Variants in DSCAM observed in about 807,000 individuals in gnomAD.
DSCAM encodes the protein DS cell adhesion molecule, also known as cell adhesion molecule DSCAM.
DSCAM carries 47 observed loss-of-function variants against 217.7 expected under a neutral mutation model. That is an observed-to-expected ratio of 0.22 (90% CI 0.17 to 0.28). The LOEUF is 0.28. Ranked by LOEUF, DSCAM falls within the 10% of genes least tolerant of loss-of-function variation. The pLI is 1.00. For missense variants in DSCAM, 2,080 were observed against 2,618.3 expected, an observed-to-expected ratio of 0.79 and a Z score of 4.49; for synonymous variants, 1,056 against 1,015.3, an observed-to-expected ratio of 1.04 and a Z score of -0.76.
At chr21:40,614,272 C>T (rs1161005792) in intron 3 of DSCAM, among the ~76,000 whole-genome samples, 1 of 152,102 alleles carries the variant, frequency 6.6e-6, no homozygotes, top group Non-Finnish European at 1.5e-5. Context: ...GTTTTGTTTT[C>T]CTTTTCATGT....
In DSCAM at chr21:40,692,948, C is replaced by A. The variant is rs867374034; in HGVS notation, c.370G>T (p.Glu124Ter). The A allele has an allele frequency of 6.3e-7, 1 of 1,599,966 alleles. No individual in the cohort carries two copies. Among genetic ancestry groups the A allele is most frequent in the African/African-American group, 1.3e-5 (1 of 74,828 alleles). The change falls in exon 3 of 33, where the codon GAG (glutamate) becomes TAG (stop). Residue 124 changes from glutamate (E) to a stop codon, truncating the protein, a stop_gained. Coordinates refer to ENST00000400454, the MANE Select transcript of DSCAM (RefSeq NM_001389.5). LOFTEE classifies it high-confidence loss of function. ...QDVHIKAVLR[E>*]PYTVRVEDQK... ...TCCTCCACACGGACTGTATAGGGCTCCCGTAAAACTGGAAGGCAGAAAGAG... is the reference window on the plus strand; with the variant it reads ...TCCTCCACACGGACTGTATAGGGCTACCGTAAAACTGGAAGGCAGAAAGAG...
Position 40,312,071 on chromosome 21 carries a change from C to T in DSCAM, c.2062+10G>A. On this transcript the variant is annotated intron_variant, in intron 9 of 32. Transcript: ENST00000400454. The stretch of plus-strand genomic sequence containing the variant: ...TACAGATGCCACATGGCTCATGATC[C>T]TTTGCTCACCTCTGACAATCAACTG... The T allele has an allele frequency of 6.2e-7, 1 of 1,608,610 alleles. No homozygotes were observed. The highest frequency in any genetic ancestry group is 8.5e-7 in the Non-Finnish European group (1 of 1,176,554).
In DSCAM at chr21:40,144,477, C is replaced by G. The variant is rs2090331179; in HGVS notation, c.3259+14G>C. On this transcript the variant is annotated intron_variant, in intron 17 of 32. Coordinates refer to ENST00000400454, the MANE Select transcript of DSCAM (RefSeq NM_001389.5). The surrounding 1 kb of genome is among the most constrained non-coding windows in gnomAD (Gnocchi z 4.8). ...CGGAGGGAAAAGCCACGACCAGGCCCCGGCCGAACCTACCATCCTCGAGAG... is the reference window on the plus strand; with the variant it reads ...CGGAGGGAAAAGCCACGACCAGGCCGCGGCCGAACCTACCATCCTCGAGAG... 6.2e-7 allele frequency: 1 copy of G among 1,613,022 alleles called. No individual in the cohort carries two copies. Among genetic ancestry groups the G allele is most frequent in the South Asian group, 1.1e-5 (1 of 91,044 alleles).
At chr21:40,480,939 A>C (rs1390423017) in intron 3 of DSCAM, among the ~76,000 whole-genome samples, 1 of 152,154 alleles carries the variant, frequency 6.6e-6, no homozygotes, top group Admixed American at 6.5e-5. Flanking sequence ...TTAACAATTT[A>C]TTCTCATCTG....
intron 8 of DSCAM, among the ~76,000 whole-genome samples, chr21:40,327,405 A>T (rs2074329416): frequency 6.6e-6 from 1 of 152,184 alleles, no homozygotes; most frequent in Non-Finnish European, 1.5e-5. Context: ...TGTATCCTGC[A>T]ACTTTACTGA....
chr21:40,509,804 T>C (rs2076243699), intron 3 of DSCAM, among the ~76,000 whole-genome samples: 1 of 152,156 alleles, frequency 6.6e-6, no homozygotes, highest in South Asian at 2.1e-4. Flanking sequence ...GAAAGCAAAC[T>C]TTATTACACA....
intron 14 of DSCAM, among the ~76,000 whole-genome samples, chr21:40,182,212 C>T (rs185877527): frequency 2.6e-5 from 4 of 152,194 alleles, no homozygotes; most frequent in African/African-American, 7.2e-5. Context: ...GGAGAGGTAG[C>T]TGGGAGAGGG....
At chr21:40,049,938 A>G (rs1184884031) in intron 30 of DSCAM, among the ~76,000 whole-genome samples, 2 of 152,218 alleles carry the variant, frequency 1.3e-5, no homozygotes, top group African/African-American at 2.4e-5. Context: ...ATTTATGACT[A>G]GCTTTATGCA....
chr21:40,384,250 G>A (rs893317407), intron 3 of DSCAM: 1 of 152,442 alleles, frequency 6.6e-6, no homozygotes, highest in Non-Finnish European at 1.5e-5. Context: ...AGGTGAAATC[G>A]GGATGGTTAA....
intron 3 of DSCAM, among the ~76,000 whole-genome samples, chr21:40,687,041 T>G (rs1337766500): frequency 6.6e-6 from 1 of 152,220 alleles, no homozygotes; most frequent in Non-Finnish European, 1.5e-5. Flanking sequence ...CAGTCTGATG[T>G]GCACGTTCTG....
chr21:40,398,298 G>C (rs548083974), intron 3 of DSCAM, among the ~76,000 whole-genome samples: 59 of 152,216 alleles, frequency 3.9e-4, no homozygotes, highest in Non-Finnish European at 4.4e-4. Flanking sequence ...ACATGACCTT[G>C]TCCCAGATCC....
intron 11 of DSCAM, among the ~76,000 whole-genome samples, chr21:40,238,960 A>G (rs2073113342): frequency 6.6e-6 from 1 of 152,168 alleles, no homozygotes; most frequent in African/African-American, 2.4e-5. Context: ...TCTGAAAAAA[A>G]GTAGATTCTA....
chr21:40,462,071 G>C (rs1790424738), intron 3 of DSCAM, among the ~76,000 whole-genome samples: 1 of 152,196 alleles, frequency 6.6e-6, no homozygotes, highest in African/African-American at 2.4e-5. Flanking sequence ...GAAAAGAATA[G>C]AAAAATGACC....
chr21:40,768,796 C>T (rs1159473545), intron 1 of DSCAM, among the ~76,000 whole-genome samples: 1 of 152,142 alleles, frequency 6.6e-6, no homozygotes, highest in Non-Finnish European at 1.5e-5. Flanking sequence ...AAACAAAAGC[C>T]AGTAGTTACT....
chr21:40,718,880 C>G (rs1348817510), intron 1 of DSCAM, among the ~76,000 whole-genome samples: 1 of 152,204 alleles, frequency 6.6e-6, no homozygotes, highest in Non-Finnish European at 1.5e-5. Context: ...AATCCCAGCA[C>G]TTTTGGAGGC....
At chr21:40,754,662 C>G (rs1287606183) in intron 1 of DSCAM, among the ~76,000 whole-genome samples, 1 of 152,152 alleles carries the variant, frequency 6.6e-6, no homozygotes, top group African/African-American at 2.4e-5. Context: ...CAAAGAGAGT[C>G]CTTAGGGGAA....
intron 3 of DSCAM, among the ~76,000 whole-genome samples, chr21:40,427,707 G>C (rs2075488817): frequency 6.6e-6 from 1 of 152,178 alleles, no homozygotes; most frequent in East Asian, 1.9e-4. Context: ...GTCATTGGAA[G>C]AATGCTGCAG....
At chr21:40,481,924 C>T (rs529578381) in intron 3 of DSCAM, among the ~76,000 whole-genome samples, 12 of 152,290 alleles carry the variant, frequency 7.9e-5, no homozygotes, top group African/African-American at 2.6e-4. Flanking sequence ...CCGGAACACA[C>T]GTGCACTGCT....
chr21:40,182,548 C>A (rs369397368), intron 14 of DSCAM, among the ~76,000 whole-genome samples: 1 of 150,796 alleles, frequency 6.6e-6, no homozygotes, highest in Non-Finnish European at 1.5e-5. Context: ...AACAGAGAAA[C>A]CGTGGACAGG....
Sources: gnomAD v4.1 joint callset for allele counts (sites outside exome capture counted in the v4.1 genomes callset) on GRCh38, gnomAD v4.1.1 for gene constraint, Gnocchi (gnomAD v3.1) non-coding constraint, MANE v1.5 for transcripts, NCBI Gene and HGNC (gene_info 2026-07-23, HGNC 2026-07-21) for gene names.